The following FOXO3 variants were observed in gnomAD, a reference collection of about 807,000 sequenced individuals.
The protein encoded by FOXO3 is forkhead box O3.
FOXO3 carries 4 observed loss-of-function variants against 41.9 expected under a neutral mutation model. That is an observed-to-expected ratio of 0.10 (90% CI 0.05 to 0.22). The LOEUF (loss-of-function observed/expected upper bound fraction) is 0.22, where lower values mean the gene tolerates loss of function less well. Ranked by LOEUF, FOXO3 falls within the 10% of genes least tolerant of loss-of-function variation. The probability of loss-of-function intolerance (pLI) is 1.00; values close to 1 mark genes in which losing one functional copy is unlikely to be tolerated. For synonymous variants in FOXO3, 318 were observed against 389.3 expected (o/e 0.82, Z 2.16); for missense variants, 534 against 906.8 (o/e 0.59, Z 5.28).
intron 1 of FOXO3, among the ~76,000 whole-genome samples, chr6:108,562,954 T>C (rs569573110): frequency 3.9e-4 from 60 of 152,336 alleles, no homozygotes; most frequent in African/African-American, 1.1e-3. Flanking sequence ...ATTGGAGATA[T>C]ACATCTCTTA....
intron 1 of FOXO3, among the ~76,000 whole-genome samples, chr6:108,577,798 T>G (rs940202383): frequency 1.1e-4 from 16 of 152,078 alleles, no homozygotes; most frequent in Admixed American, 1.0e-3. Context: ...TGACAAGGAG[T>G]GCTGTAAAGT....
At chr6:108,661,116 C>G (rs1249994980) in intron 1 of FOXO3, among the ~76,000 whole-genome samples, 1 of 151,828 alleles carries the variant, frequency 6.6e-6, no homozygotes, top group African/African-American at 2.4e-5. Flanking sequence ...GTGGCACGCA[C>G]CTGTAACCCC....
At chr6:108,636,602 A>G (rs964148430) in intron 1 of FOXO3, among the ~76,000 whole-genome samples, 1 of 152,086 alleles carries the variant, frequency 6.6e-6, no homozygotes, top group African/African-American at 2.4e-5. Flanking sequence ...CCAGCCCTTC[A>G]CCACTTCACC....
chr6:108,659,076 G>T (rs1197471589), intron 1 of FOXO3, among the ~76,000 whole-genome samples: 1 of 151,936 alleles, frequency 6.6e-6, no homozygotes, highest in Admixed American at 6.6e-5. Flanking sequence ...GTAGAGACAG[G>T]GTTTTGCCAT....
intron 1 of FOXO3, among the ~76,000 whole-genome samples, chr6:108,589,059 A>T (rs567395730): frequency 6.6e-6 from 1 of 152,318 alleles, no homozygotes; most frequent in South Asian, 2.1e-4. Context: ...GTCCAGTGTG[A>T]TGGAGAAGTT....
At chr6:108,599,458 T>C (rs1776982719) in intron 1 of FOXO3, among the ~76,000 whole-genome samples, 1 of 152,212 alleles carries the variant, frequency 6.6e-6, no homozygotes, top group Non-Finnish European at 1.5e-5. Context: ...TTGAAGATGA[T>C]GGGATTTTCA....
intron 1 of FOXO3, among the ~76,000 whole-genome samples, chr6:108,635,924 AAGAACT>A (rs1202505979): frequency 6.6e-6 from 1 of 152,240 alleles, no homozygotes; most frequent in Non-Finnish European, 1.5e-5. Context: ...TTTTGTGTAT[AAGAACT>A]AGTTTCCTTG....
chr6:108,655,855 G>A lies in FOXO3; in HGVS notation c.622-7600G>A, dbSNP rs748766958. Among the ~76,000 whole-genome samples, 12 of 152,284 alleles carry A rather than the reference G, an allele frequency of 7.9e-5. No homozygotes were observed. The East Asian group carries it at 1.9e-3, about 24-fold the overall frequency. On this transcript the variant is annotated intron_variant, in intron 1 of 2. Coordinates refer to ENST00000406360, the MANE Select transcript of FOXO3 (RefSeq NM_001455.4). ...CTTTGTCATCTGTGGTTCAGCAGAC[G>A]CGTATGTTAGAATTCAGGCATTTGG... is the stretch of plus-strand genomic sequence containing the variant.
intron 1 of FOXO3, among the ~76,000 whole-genome samples, chr6:108,562,613 G>T (rs990271211): frequency 6.6e-6 from 1 of 152,134 alleles, no homozygotes; most frequent in African/African-American, 2.4e-5. Flanking sequence ...TCTGGTGTGG[G>T]GGACGCGGGG....
intron 1 of FOXO3, among the ~76,000 whole-genome samples, chr6:108,601,836 A>G (rs1290437984): frequency 6.6e-6 from 1 of 152,122 alleles, no homozygotes; most frequent in East Asian, 1.9e-4. Flanking sequence ...CCTGTTTGTT[A>G]CTCAGTAGTG....
chr6:108,583,582 T>G (rs1444798414), intron 1 of FOXO3, among the ~76,000 whole-genome samples: 1 of 152,200 alleles, frequency 6.6e-6, no homozygotes, highest in Non-Finnish European at 1.5e-5. Context: ...TTAAATAATG[T>G]TTGGTACACT....
Position 108,678,869 on chromosome 6 carries a change from C to CTTTTT in FOXO3, c.*35-940_*35-936dup, listed in dbSNP as rs1156923290. ...ATAGCAAGACCCCATTTCTTAAATTCTTTTTTTTTTTTTTTTTTTTTTGAG... is the reference window on the plus strand; with the variant it reads ...ATAGCAAGACCCCATTTCTTAAATTCTTTTTTTTTTTTTTTTTTTTTTTTTTTGAG... On this transcript the variant is annotated intron_variant, in intron 2 of 2. Transcript: ENST00000406360. Among the ~76,000 whole-genome samples the CTTTTT allele has an allele frequency of 1.9e-3, 105 of 55,016 alleles. 7 individuals are homozygous for CTTTTT. Among genetic ancestry groups the CTTTTT allele is most frequent in the African/African-American group, 4.6e-3 (100 of 21,876 alleles). The allele number at this position is 55,016 out of a possible 152,430, so 36.1% of individuals were successfully genotyped here.
Position 108,660,929 on chromosome 6 carries a change from G to A in FOXO3, c.622-2526G>A, listed in dbSNP as rs959022879. ...CAAAAAATTAGCTGGGCATGGTGGC[G>A]GGTGCCTGTAGTCCTAGCTACTCGG... On this transcript the variant is annotated intron_variant, in intron 1 of 2. Coordinates refer to ENST00000406360, the MANE Select transcript of FOXO3 (RefSeq NM_001455.4). Among the ~76,000 whole-genome samples, 12 of 152,154 alleles carry A rather than the reference G, an allele frequency of 7.9e-5. No homozygotes were observed. The East Asian group carries it at 1.2e-3, about 15-fold the overall frequency.
At chr6:108,641,619 AC>A (rs1436500480) in intron 1 of FOXO3, among the ~76,000 whole-genome samples, 1 of 152,038 alleles carries the variant, frequency 6.6e-6, no homozygotes, top group African/African-American at 2.4e-5. Context: ...GGTATAATTC[AC>A]CTTATTCCAT....
chr6:108,621,536 T>C (rs1051357877), intron 1 of FOXO3, among the ~76,000 whole-genome samples: 1 of 147,580 alleles, frequency 6.8e-6, no homozygotes, highest in Admixed American at 6.6e-5. Flanking sequence ...TTTCACCATG[T>C]TAGTGTTTTT....
chr6:108,665,092 C>A (rs1332838051), intron 2 of FOXO3, among the ~76,000 whole-genome samples: 1 of 152,190 alleles, frequency 6.6e-6, no homozygotes. Flanking sequence ...CCCCTTCCCC[C>A]GCACAGTTTG....
chr6:108,601,010 A>G (rs547573721), intron 1 of FOXO3, among the ~76,000 whole-genome samples: 5 of 151,828 alleles, frequency 3.3e-5, no homozygotes, highest in South Asian at 2.1e-4. Context: ...GATCCTTCCT[A>G]TTGTCTTTTT....
rs1206183100 is a variant in FOXO3 at position 108,663,609 on chromosome 6, A to G, written c.776A>G (p.Lys259Arg). The change falls in exon 2 of 3, where the codon AAG becomes AGG. Residue 259 changes from lysine (K) to arginine (R), a missense_variant. Lys to Arg is a conservative substitution (Grantham distance 26). Coordinates refer to ENST00000406360, the MANE Select transcript of FOXO3 (RefSeq NM_001455.4). ...RRAVSMDNSN[K>R]YTKSRGRAAK... The stretch of plus-strand genomic sequence containing the variant: ...GCTGTCTCCATGGACAATAGCAACA[A>G]GTATACCAAGAGCCGTGGCCGCGCA... 21 of 1,613,660 alleles carry G rather than the reference A, an allele frequency of 1.3e-5. No homozygotes were observed. Among genetic ancestry groups the G allele is most frequent in the Non-Finnish European group, 1.8e-5 (21 of 1,179,710 alleles).
At chr6:108,673,230 C>T (rs35396874) in intron 2 of FOXO3, among the ~76,000 whole-genome samples, 82,070 of 152,046 alleles carry the variant, frequency 0.54, 26,321 homozygotes, top group East Asian at 0.71. Flanking sequence ...CTCAGACTGC[C>T]CTGCTGGCTG....
Sources: allele counts gnomAD v4.1 joint callset (sites outside exome capture counted in the v4.1 genomes callset), GRCh38; gene constraint gnomAD v4.1.1; transcripts MANE v1.5; gene names NCBI Gene and HGNC (gene_info 2026-07-23, HGNC 2026-07-21).